Variants in CSMD1 observed in about 807,000 individuals in gnomAD.
CSMD1 encodes the protein CUB and sushi domain-containing protein 1.
In CSMD1, 213 loss-of-function variants were observed where a neutral mutation model predicts 417.5. The observed-to-expected ratio is 0.51, with a 90% CI of 0.46 to 0.57. The LOEUF is 0.57. CSMD1 is among the 20% of genes least tolerant of loss of function. The pLI, the probability that CSMD1 is intolerant of heterozygous loss-of-function variation, is 0.00. For missense variants in CSMD1, 6,923 were observed against 4,529.7 expected, an observed-to-expected ratio of 1.53 and a Z score of -15.17; for synonymous variants, 2,862 against 1,736.8, an observed-to-expected ratio of 1.65 and a Z score of -16.11.
At chr8:4,817,330 A>T (rs1304399210) in intron 1 of CSMD1, among the ~76,000 whole-genome samples, 1 of 152,214 alleles carries the variant, frequency 6.6e-6, no homozygotes, top group Non-Finnish European at 1.5e-5. Flanking sequence ...CTTCAAGCTC[A>T]CATTTTTAAT....
chr8:4,511,015 A>G (rs1407986408), intron 2 of CSMD1, among the ~76,000 whole-genome samples: 1 of 152,084 alleles, frequency 6.6e-6, no homozygotes, highest in Non-Finnish European at 1.5e-5. Context: ...CCTTTAACCT[A>G]TGTGGCTGCC....
At chr8:4,291,815 G>A (rs529696404) in intron 3 of CSMD1, among the ~76,000 whole-genome samples, 3 of 152,164 alleles carry the variant, frequency 2.0e-5, no homozygotes, top group African/African-American at 7.2e-5. Context: ...GTTCTGAAAT[G>A]TCATGTAAAC....
intron 3 of CSMD1, among the ~76,000 whole-genome samples, chr8:4,417,497 A>G (rs1484037072): frequency 3.3e-5 from 5 of 152,060 alleles, no homozygotes; most frequent in African/African-American, 1.2e-4. Flanking sequence ...TAATACTACC[A>G]CAATTCCATG....
chr8:3,197,188 G>C (rs1796748471), intron 33 of CSMD1, among the ~76,000 whole-genome samples: 2 of 152,142 alleles, frequency 1.3e-5, no homozygotes, highest in African/African-American at 4.8e-5. Flanking sequence ...ATGACATGGA[G>C]GGTGGGAAGC....
chr8:4,234,717 T>C lies in CSMD1; in HGVS notation c.415+185236A>G, dbSNP rs146325997. Among the ~76,000 whole-genome samples, 372 of 152,252 alleles carry C rather than the reference T, an allele frequency of 2.4e-3. 4 individuals carry two copies. The highest frequency in any genetic ancestry group is 8.5e-3 in the African/African-American group (353 of 41,534). ...AATGGTGTGGTGTACGGCCACACGG[T>C]GTCGCTGCTGCCGCTGAAAACTGGA... On this transcript the variant is annotated intron_variant, in intron 3 of 69. Transcript: ENST00000635120.
intron 3 of CSMD1, among the ~76,000 whole-genome samples, chr8:4,395,720 T>G (rs1368440857): frequency 6.6e-6 from 1 of 152,050 alleles, no homozygotes; most frequent in Non-Finnish European, 1.5e-5. Context: ...CTTTGTAAAA[T>G]TAGCAGCTAC....
chr8:3,794,208 G>A (rs777004994), intron 5 of CSMD1, among the ~76,000 whole-genome samples: 1 of 152,140 alleles, frequency 6.6e-6, no homozygotes, highest in African/African-American at 2.4e-5. Context: ...TTAAGGGGAG[G>A]GGTTTCCTTC....
Position 3,843,382 on chromosome 8 carries a change from T to C in CSMD1, c.819-89340A>G, listed in dbSNP as rs1803259247. Among the ~76,000 whole-genome samples, 3 of 152,178 alleles carry C rather than the reference T, an allele frequency of 2.0e-5. No homozygotes were observed. In the South Asian group the frequency reaches 6.2e-4, roughly 32 times the overall value. On this transcript the variant is annotated intron_variant, in intron 5 of 69. Coordinates refer to ENST00000635120, the MANE Select transcript of CSMD1 (RefSeq NM_033225.6). ...TTATTGTGTGCTTACAGTATGTAAT[T>C]ATAAGCAAAGATATTTCAGATATTT... is the stretch of plus-strand genomic sequence containing the variant.
intron 3 of CSMD1, among the ~76,000 whole-genome samples, chr8:4,176,132 C>T (rs992087235): frequency 6.6e-6 from 1 of 152,004 alleles, no homozygotes; most frequent in African/African-American, 2.4e-5. Flanking sequence ...AAGGGCAGTC[C>T]ACATTTATAG....
intron 41 of CSMD1, among the ~76,000 whole-genome samples, chr8:3,122,985 A>G (rs1817293452): frequency 6.6e-6 from 1 of 152,188 alleles, no homozygotes; most frequent in East Asian, 1.9e-4. Context: ...CAGGTGTTCG[A>G]AGGAAGAATA....
At chr8:4,769,544 C>T (rs1008557155) in intron 1 of CSMD1, among the ~76,000 whole-genome samples, 9 of 151,890 alleles carry the variant, frequency 5.9e-5, no homozygotes, top group Non-Finnish European at 1.3e-4. Flanking sequence ...GTAAAAATAC[C>T]TATGTCACCA....
chr8:4,459,994 C>G (rs1030500585), intron 2 of CSMD1, among the ~76,000 whole-genome samples: 5 of 152,096 alleles, frequency 3.3e-5, no homozygotes, highest in South Asian at 2.1e-4. Flanking sequence ...ACTAGACAAC[C>G]AAAATAGTAC....
In CSMD1 at chr8:4,248,451, A is replaced by G. The variant is rs567726915; in HGVS notation, c.415+171502T>C. On this transcript the variant is annotated intron_variant, in intron 3 of 69. Coordinates refer to ENST00000635120, the MANE Select transcript of CSMD1 (RefSeq NM_033225.6). Reference sequence around the variant, plus strand: ...TCCACTTGAACATAAGATCCTAATTAAAAGTAAAAAGGTCAGTCGTTACTT... The same window carrying G: ...TCCACTTGAACATAAGATCCTAATTGAAAGTAAAAAGGTCAGTCGTTACTT... Among the ~76,000 whole-genome samples the G allele has an allele frequency of 3.9e-5, 6 of 152,276 alleles. No homozygotes were observed. The East Asian group carries it at 7.7e-4, about 20-fold the overall frequency.
intron 3 of CSMD1, among the ~76,000 whole-genome samples, chr8:4,082,355 C>G (rs1017393994): frequency 6.6e-6 from 1 of 152,000 alleles, no homozygotes; most frequent in African/African-American, 2.4e-5. Context: ...ATGACAGGCC[C>G]AGATGGTTTC....
chr8:3,377,133 T>G (rs989141244), intron 18 of CSMD1, among the ~76,000 whole-genome samples: 1 of 152,186 alleles, frequency 6.6e-6, no homozygotes, highest in Non-Finnish European at 1.5e-5. Flanking sequence ...CTCAGCGTCC[T>G]GAACCGCTGG....
intron 3 of CSMD1, among the ~76,000 whole-genome samples, chr8:4,359,850 G>A (rs1243274185): frequency 2.0e-5 from 3 of 152,236 alleles, no homozygotes; most frequent in Non-Finnish European, 2.9e-5. Flanking sequence ...GCAAGACTCA[G>A]TGCAAGTCCA....
intron 3 of CSMD1, among the ~76,000 whole-genome samples, chr8:4,161,913 C>G (rs1368215420): frequency 6.6e-6 from 1 of 152,092 alleles, no homozygotes; most frequent in Non-Finnish European, 1.5e-5. Context: ...TTCATCAGTT[C>G]ATATCCCTTT....
At chr8:3,966,099 T>C (rs950509785) in intron 5 of CSMD1, among the ~76,000 whole-genome samples, 13 of 152,158 alleles carry the variant, frequency 8.5e-5, no homozygotes, top group Non-Finnish European at 1.8e-4. Context: ...ACTACGAATG[T>C]ACTTCATAAT....
chr8:3,127,933 AG>A (rs759759529), intron 41 of CSMD1: 41 of 98,768 alleles, frequency 4.2e-4, no homozygotes, highest in African/African-American at 1.6e-3. Context: ...GAAGGAAGGA[AG>A]GGAAGGAAAG....
Sources: allele counts gnomAD v4.1 joint callset (sites outside exome capture counted in the v4.1 genomes callset), GRCh38; gene constraint gnomAD v4.1.1; transcripts MANE v1.5; gene names NCBI Gene and HGNC (gene_info 2026-07-23, HGNC 2026-07-21).